SNX14: variants seen among roughly 807,000 people sequenced by gnomAD.
The protein encoded by SNX14 is sorting nexin-14.
A neutral mutation model predicts 133.8 loss-of-function variants in SNX14; 93 were observed. That is an observed-to-expected ratio of 0.70 (90% CI 0.59 to 0.83). The LOEUF (loss-of-function observed/expected upper bound fraction) is 0.83, where lower values mean the gene tolerates loss of function less well. Ranked by LOEUF, SNX14 falls within the 40% of genes least tolerant of loss-of-function variation. SNX14 has a pLI of 0.00. For missense variants in SNX14, 945 were observed against 1,094.9 expected (o/e 0.86, Z 1.93); for synonymous variants, 368 against 365.6 (o/e 1.01, Z -0.07).
intron 28 of SNX14, 42 bp from the exon 29 acceptor site, chr6:85,506,047 G>C (rs763794537): frequency 1.5e-6 from 2 of 1,339,930 alleles, no homozygotes; most frequent in Admixed American, 3.4e-5. Context: ...ACAAGACACA[G>C]GTTCATTTGT....
rs1771082667 is a variant in SNX14, at chr6:85,507,399, G to A, written c.2746-110C>T. Reference sequence around the variant, plus strand: ...GTGGTTACCTCTAAGTGGGAAGGCAGGGAATGGGACTGATAATATAAAACA... The same window carrying A: ...GTGGTTACCTCTAAGTGGGAAGGCAAGGAATGGGACTGATAATATAAAACA... On this transcript the variant is annotated intron_variant, in intron 27 of 28. Transcript: ENST00000314673. 13 of 824,144 alleles carry A rather than the reference G, an allele frequency of 1.6e-5. No individual in the cohort carries two copies. The East Asian group carries it at 2.3e-4, about 15-fold the overall frequency. 51.1% of individuals were successfully genotyped at this position (824,144 alleles called of 1,614,324 possible). A position where few individuals can be genotyped will look rare whatever the true frequency, so the allele number is the denominator to read the frequency against.
chr6:85,554,249 C>T (rs1788853139), intron 7 of SNX14, among the ~76,000 whole-genome samples: 1 of 151,338 alleles, frequency 6.6e-6, no homozygotes, highest in Non-Finnish European at 1.5e-5. Flanking sequence ...TGTAGCTATA[C>T]ATATGTATAT....
intron 8 of SNX14, among the ~76,000 whole-genome samples, chr6:85,548,600 T>G (rs1050320927): frequency 6.6e-6 from 1 of 152,156 alleles, no homozygotes; most frequent in Non-Finnish European, 1.5e-5. Context: ...GAGTTCTTAC[T>G]TGGCTAAAAT....
intron 1 of SNX14, 111 bp downstream of exon 1, chr6:85,593,468 A>G: frequency 7.0e-7 from 1 of 1,434,922 alleles, no homozygotes; most frequent in Non-Finnish European, 9.2e-7. Context: ...CGCTCTCCCC[A>G]CTGGTCCCCA....
At position 85,565,420 on chromosome 6, in the gene SNX14, CT is replaced by C; in HGVS notation, c.462-2del. The C allele has an allele frequency of 6.3e-7, 1 of 1,584,818 alleles. No individual in the cohort carries two copies. The highest frequency in any genetic ancestry group is 8.6e-7 in the Non-Finnish European group (1 of 1,164,204). ...AAAGGATTCATCATCTGTCACATCC[CT>C]TCAATAAGGAGAAAAACAAATATTC... On this transcript the variant is annotated splice_acceptor_variant, in intron 5 of 28. Transcript: ENST00000314673. LOFTEE classifies it high-confidence loss of function.
intron 5 of SNX14, among the ~76,000 whole-genome samples, chr6:85,566,413 T>C (rs1394886536): frequency 4.0e-5 from 6 of 151,766 alleles, no homozygotes; most frequent in African/African-American, 1.5e-4. Context: ...TAATTAGAAA[T>C]TCGGCCAGGC....
intron 1 of SNX14, among the ~76,000 whole-genome samples, chr6:85,578,008 T>G (rs1797854107): frequency 6.6e-6 from 1 of 152,156 alleles, no homozygotes; most frequent in African/African-American, 2.4e-5. Context: ...ATAATTCTCT[T>G]TCTAAATAAA....
chr6:85,517,039 C>T (rs1483011939), intron 23 of SNX14, among the ~76,000 whole-genome samples: 2 of 152,080 alleles, frequency 1.3e-5, no homozygotes, highest in South Asian at 2.1e-4. Context: ...TATAGCAGTC[C>T]TAGTCAGGAA....
In SNX14 at chr6:85,514,026, T is replaced by C. The variant is rs773587146; in HGVS notation, c.2557+44A>G. On this transcript the variant is annotated intron_variant, in intron 25 of 28. Coordinates refer to ENST00000314673, the MANE Select transcript of SNX14 (RefSeq NM_153816.6). Reference sequence around the variant, plus strand: ...TCCTCTTTAGATTCAATTAAAATCATAGAGTACACAAAATATGAAACAAAC... The same window carrying C: ...TCCTCTTTAGATTCAATTAAAATCACAGAGTACACAAAATATGAAACAAAC... The C allele has an allele frequency of 8.2e-6, 13 of 1,577,846 alleles. No individual in the cohort carries two copies. The South Asian group carries it at 8.3e-5, about 10-fold the overall frequency.
intron 26 of SNX14, among the ~76,000 whole-genome samples, chr6:85,512,696 G>C (rs1183589206): frequency 1.3e-5 from 2 of 151,570 alleles, no homozygotes; most frequent in South Asian, 2.1e-4. Flanking sequence ...CTCTTAAAAA[G>C]AGATTTAAAA....
intron 1 of SNX14, among the ~76,000 whole-genome samples, chr6:85,577,540 G>C (rs1401356951): frequency 6.6e-6 from 1 of 152,092 alleles, no homozygotes; most frequent in Non-Finnish European, 1.5e-5. Context: ...CCTAAATATT[G>C]GGTAGTCTCA....
intron 18 of SNX14, among the ~76,000 whole-genome samples, chr6:85,530,796 T>C (rs1279261732): frequency 6.6e-6 from 1 of 152,230 alleles, no homozygotes; most frequent in African/African-American, 2.4e-5. Context: ...CATCTATTTA[T>C]GAAGTTATCT....
chr6:85,579,639 T>A (rs1054275780), intron 1 of SNX14, among the ~76,000 whole-genome samples: 3 of 152,096 alleles, frequency 2.0e-5, no homozygotes, highest in African/African-American at 7.2e-5. Context: ...GCACTGAAAC[T>A]CAGTGCTGCC....
At chr6:85,580,034 C>T (rs1455716426) in intron 1 of SNX14, among the ~76,000 whole-genome samples, 4 of 152,146 alleles carry the variant, frequency 2.6e-5, no homozygotes, top group Non-Finnish European at 2.9e-5. Context: ...TTGTGAAACC[C>T]CTCTCCAAGT....
At chr6:85,539,390 G>C (rs554505674) in intron 15 of SNX14, among the ~76,000 whole-genome samples, 2 of 152,172 alleles carry the variant, frequency 1.3e-5, no homozygotes, top group South Asian at 4.1e-4. Flanking sequence ...TTTTTAGGTT[G>C]AGTAAAAAAA....
intron 13 of SNX14, 43 bp downstream of exon 13, chr6:85,543,560 ACT>A (rs1784484696): frequency 6.8e-7 from 1 of 1,461,432 alleles, no homozygotes; most frequent in Non-Finnish European, 9.3e-7. Context: ...AAATGGAAAA[ACT>A]GTAAGAGTGC....
At chr6:85,576,198 G>A (rs551609750) in intron 1 of SNX14, among the ~76,000 whole-genome samples, 9 of 152,086 alleles carry the variant, frequency 5.9e-5, no homozygotes, top group South Asian at 2.1e-4. Context: ...GGGACTGCCC[G>A]TATTATCTTA....
At chr6:85,565,156 GGATA>G (rs1793360475) in intron 6 of SNX14, among the ~76,000 whole-genome samples, 172 bp downstream of exon 6, 1 of 151,992 alleles carries the variant, frequency 6.6e-6, no homozygotes, top group South Asian at 2.1e-4. Flanking sequence ...AATGCTTGAG[GGATA>G]GATACCCCAT....
intron 1 of SNX14, among the ~76,000 whole-genome samples, chr6:85,588,323 CA>C (rs1801631089): frequency 1.3e-5 from 2 of 151,896 alleles, no homozygotes; most frequent in Non-Finnish European, 2.9e-5. Flanking sequence ...CCTGTAATCC[CA>C]GCACTTTGGG....
Sources: allele counts gnomAD v4.1 joint callset (sites outside exome capture counted in the v4.1 genomes callset), GRCh38; gene constraint gnomAD v4.1.1; transcripts MANE v1.5; gene names NCBI Gene and HGNC (gene_info 2026-07-23, HGNC 2026-07-21).